Variants in ANKRD44 observed in about 807,000 individuals in gnomAD.
ANKRD44 encodes the protein ankyrin repeat domain 44.
ANKRD44 carries 35 observed loss-of-function variants against 116.0 expected under a neutral mutation model. That is an observed-to-expected ratio of 0.30 (90% CI 0.23 to 0.40). ANKRD44 has a LOEUF of 0.40. ANKRD44 is among the 10% of genes least tolerant of loss of function. The pLI, the probability that ANKRD44 is intolerant of heterozygous loss-of-function variation, is 1.00. For synonymous variants in ANKRD44, 435 were observed against 461.8 expected (o/e 0.94, Z 0.74); for missense variants, 1,014 against 1,242.6 (o/e 0.82, Z 2.77).
chr2:197,140,944 G>A (rs1450346327), intron 3 of ANKRD44, among the ~76,000 whole-genome samples: 2 of 152,096 alleles, frequency 1.3e-5, no homozygotes, highest in Non-Finnish European at 2.9e-5. Flanking sequence ...GGCCGAGCGC[G>A]GTGGCTCATG....
intron 1 of ANKRD44, among the ~76,000 whole-genome samples, chr2:197,229,385 T>C (rs913977842): frequency 6.6e-5 from 10 of 152,216 alleles, no homozygotes; most frequent in African/African-American, 2.4e-4. Context: ...TGTTAACATT[T>C]TGATATACTT....
intron 18 of ANKRD44, among the ~76,000 whole-genome samples, chr2:197,012,708 A>C (rs1030871992): frequency 6.6e-6 from 1 of 152,216 alleles, no homozygotes; most frequent in Non-Finnish European, 1.5e-5. Context: ...AAGTAACAAG[A>C]ATCATAAAGT....
chr2:197,291,190 CAG>C (rs2083559724), intron 1 of ANKRD44, among the ~76,000 whole-genome samples: 1 of 152,158 alleles, frequency 6.6e-6, no homozygotes, highest in East Asian at 1.9e-4. Flanking sequence ...GGCTGGGTAA[CAG>C]AGTGAGACCC....
At chr2:197,121,270 G>A in intron 8 of ANKRD44, 62 bp downstream of exon 8, 2 of 1,485,364 alleles carry the variant, frequency 1.3e-6, no homozygotes, top group Non-Finnish European at 1.9e-6. Context: ...TGCAGCAGTT[G>A]ATTTTGCTCA....
chr2:197,013,112 G>T (rs894516716), intron 18 of ANKRD44, among the ~76,000 whole-genome samples: 3 of 152,292 alleles, frequency 2.0e-5, no homozygotes, highest in Non-Finnish European at 4.4e-5. Flanking sequence ...ATGCGAAATA[G>T]CCCTGAATAC....
chr2:197,005,896 G>T lies in ANKRD44; in HGVS notation c.2145C>A (p.His715Gln). The T allele has an allele frequency of 6.2e-7, 1 of 1,614,174 alleles. No homozygotes were observed. Among genetic ancestry groups the T allele is most frequent in the East Asian group, 2.2e-5 (1 of 44,888 alleles). The change falls in exon 21 of 28, where the codon CAC becomes CAA. Residue 715 changes from histidine to glutamine, a missense_variant. Coordinates refer to ENST00000282272, the MANE Select transcript of ANKRD44 (RefSeq NM_001195144.2). Reference sequence around the variant, plus strand: ...CCAGCAGCATTTGCACACATTCCTCGTGTCCTGTCATAATCTGATGCATTG... The same window carrying T: ...CCAGCAGCATTTGCACACATTCCTCTTGTCCTGTCATAATCTGATGCATTG... The part of the protein sequence containing the change: ...TALHRGIMTG[H>Q]EECVQMLLEQ...
chr2:196,989,667 G>A lies in ANKRD44; in HGVS notation c.2924-18C>T. ...CCTAGAAGCTTTGGCAGAGGGAGCAGACACAGTATTCACTATGTTGATTTC... is the reference window on the plus strand; with the variant it reads ...CCTAGAAGCTTTGGCAGAGGGAGCAAACACAGTATTCACTATGTTGATTTC... On this transcript the variant is annotated intron_variant, in intron 27 of 27. Transcript: ENST00000282272. 1 of 1,550,078 alleles carries A rather than the reference G, an allele frequency of 6.5e-7. No homozygotes were observed. The highest frequency in any genetic ancestry group is 1.2e-5 in the South Asian group (1 of 84,050).
intron 17 of ANKRD44, among the ~76,000 whole-genome samples, chr2:197,021,545 T>C (rs1240885430): frequency 6.6e-6 from 1 of 152,250 alleles, no homozygotes; most frequent in Non-Finnish European, 1.5e-5. Context: ...ATTTCTCTGA[T>C]GACCAGGGAT....
Position 197,310,662 on chromosome 2 carries a change from G to C in ANKRD44, c.-58C>G. On this transcript the variant is annotated 5_prime_UTR_variant, in exon 1 of 28. Coordinates refer to ENST00000282272, the MANE Select transcript of ANKRD44 (RefSeq NM_001195144.2). ...GTCCCCGGCCCGCAGATGTCACGCCGGGAGCCGGGGAAGCGGAAGGGATTG... is the reference window on the plus strand; with the variant it reads ...GTCCCCGGCCCGCAGATGTCACGCCCGGAGCCGGGGAAGCGGAAGGGATTG... The C allele has an allele frequency of 7.6e-7, 1 of 1,312,914 alleles. No individual in the cohort carries two copies. Among genetic ancestry groups the C allele is most frequent in the Non-Finnish European group, 9.9e-7 (1 of 1,008,692 alleles). 81.3% of individuals were successfully genotyped at this position (1,312,914 alleles called of 1,614,324 possible).
chr2:197,112,862 C>G (rs914500219), intron 8 of ANKRD44, among the ~76,000 whole-genome samples: 1 of 151,344 alleles, frequency 6.6e-6, no homozygotes, highest in African/African-American at 2.4e-5. Context: ...GGTTATAAAA[C>G]CAAGGTTTTA....
chr2:197,233,079 C>T lies in ANKRD44; in HGVS notation c.28-45973G>A, dbSNP rs116712304. 3.3e-3 allele frequency among the ~76,000 whole-genome samples: 506 copies of T among 152,318 alleles called. 3 individuals are homozygous for T. Among genetic ancestry groups the T allele is most frequent in the African/African-American group, 0.011 (441 of 41,574 alleles). ...ATTCTACTCCGGGGAAGCTCTGCTA[C>T]GTTGCACACCCTCGTGCTGGGTAGG... is the stretch of plus-strand genomic sequence containing the variant. On this transcript the variant is annotated intron_variant, in intron 1 of 27. Transcript: ENST00000282272.
chr2:197,015,120 C>A, intron 17 of ANKRD44: 1 of 243,554 alleles, frequency 4.1e-6, no homozygotes, highest in South Asian at 5.6e-5. Context: ...ACAAAATGTT[C>A]CAGGGGCTTT....
At chr2:197,210,353 C>T (rs935718138) in intron 1 of ANKRD44, among the ~76,000 whole-genome samples, 2 of 152,130 alleles carry the variant, frequency 1.3e-5, no homozygotes, top group Admixed American at 1.3e-4. Flanking sequence ...CAGTGAGTTA[C>T]GATTAACATC....
chr2:197,099,064 A>AT (rs2078230275), intron 10 of ANKRD44, among the ~76,000 whole-genome samples: 1 of 152,068 alleles, frequency 6.6e-6, no homozygotes. Flanking sequence ...CTGTACTCAG[A>AT]TAATTCTCAG....
chr2:197,222,141 A>C (rs1406705184), intron 1 of ANKRD44, among the ~76,000 whole-genome samples: 2 of 152,232 alleles, frequency 1.3e-5, no homozygotes, highest in African/African-American at 2.4e-5. Context: ...GTCCTAAGGC[A>C]GATAATGTGA....
intron 21 of ANKRD44, among the ~76,000 whole-genome samples, chr2:196,979,339 C>T (rs926653142): frequency 2.7e-4 from 38 of 142,230 alleles, no homozygotes; most frequent in Non-Finnish European, 5.6e-4. Flanking sequence ...GCCAAGATCG[C>T]GCCACTGCAC....
intron 2 of ANKRD44, among the ~76,000 whole-genome samples, chr2:197,158,364 C>T (rs996840960): frequency 6.6e-6 from 1 of 152,152 alleles, no homozygotes; most frequent in Non-Finnish European, 1.5e-5. Flanking sequence ...TTAAGGAAAC[C>T]CACAGATTGG....
chr2:197,052,322 T>TA (rs2077123667), intron 16 of ANKRD44, among the ~76,000 whole-genome samples: 1 of 152,194 alleles, frequency 6.6e-6, no homozygotes, highest in Non-Finnish European at 1.5e-5. Flanking sequence ...CTTGATCGAT[T>TA]TTTAAAATCT....
chr2:197,170,190 CAAAAAAAAAA>C (rs71012960), intron 2 of ANKRD44, among the ~76,000 whole-genome samples: 2 of 119,750 alleles, frequency 1.7e-5, no homozygotes, highest in African/African-American at 6.6e-5. Flanking sequence ...ACCCTGTTTC[CAAAAAAAAAA>C]AAAAAAAAAA....
Sources: allele counts gnomAD v4.1 joint callset (sites outside exome capture counted in the v4.1 genomes callset), GRCh38; gene constraint gnomAD v4.1.1; transcripts MANE v1.5; gene names NCBI Gene and HGNC (gene_info 2026-07-23, HGNC 2026-07-21).